CALCRL: variants seen among roughly 807,000 people sequenced by gnomAD.
CALCRL encodes calcitonin receptor like receptor.
A neutral mutation model predicts 60.4 loss-of-function variants in CALCRL; 27 were observed. The ratio of observed to expected loss-of-function variants is 0.45; its 90% CI spans 0.33 to 0.62. The LOEUF (loss-of-function observed/expected upper bound fraction) is 0.62, where lower values mean the gene tolerates loss of function less well. CALCRL is among the 20% of genes least tolerant of loss of function. The probability of loss-of-function intolerance (pLI) is 0.03; values close to 1 mark genes in which losing one functional copy is unlikely to be tolerated. For synonymous variants in CALCRL, 190 were observed against 182.6 expected (o/e 1.04, Z -0.33); for missense variants, 424 against 540.7 (o/e 0.78, Z 2.14).
chr2:187,413,447 A>G (rs1318592585), intron 1 of CALCRL, among the ~76,000 whole-genome samples: 4 of 152,150 alleles, frequency 2.6e-5, no homozygotes, highest in African/African-American at 9.6e-5. Flanking sequence ...TATATATTTT[A>G]CCAGTTAATG....
chr2:187,353,368 C>T lies in CALCRL; in HGVS notation c.910-1036G>A, dbSNP rs186050413. On this transcript the variant is annotated intron_variant, in intron 12 of 14. Coordinates refer to ENST00000392370, the MANE Select transcript of CALCRL (RefSeq NM_005795.6). ...TGTTTAATAATCTTAAATTTTCAAT[C>T]TATGCACCAAATATAATTTATATCC... Among the ~76,000 whole-genome samples the T allele has an allele frequency of 1.9e-3, 286 of 152,004 alleles. 1 individual carries two copies. The highest frequency in any genetic ancestry group is 6.7e-3 in the African/African-American group (279 of 41,498).
chr2:187,350,514 T>A (rs1686479669), intron 14 of CALCRL, among the ~76,000 whole-genome samples: 1 of 151,306 alleles, frequency 6.6e-6, no homozygotes, highest in South Asian at 2.1e-4. Context: ...CTTAAATGTA[T>A]GAAATATAGT....
intron 7 of CALCRL, 33 bp downstream of exon 7, chr2:187,380,434 T>G: frequency 8.0e-7 from 1 of 1,252,182 alleles, no homozygotes. Context: ...ACAGATACTG[T>G]AAGTTAAATT....
chr2:187,390,996 G>A (rs1404119352), intron 1 of CALCRL, among the ~76,000 whole-genome samples: 1 of 152,150 alleles, frequency 6.6e-6, no homozygotes, highest in Non-Finnish European at 1.5e-5. Context: ...GGTAGTTATG[G>A]AGGAATCATC....
intron 1 of CALCRL, among the ~76,000 whole-genome samples, chr2:187,414,456 T>C (rs1177406255): frequency 6.6e-6 from 1 of 152,178 alleles, no homozygotes; most frequent in African/African-American, 2.4e-5. Flanking sequence ...CAGCAGCATG[T>C]CATCCTGAAT....
intron 1 of CALCRL, among the ~76,000 whole-genome samples, chr2:187,402,351 CAATTA>C (rs959414060): frequency 1.3e-5 from 2 of 151,378 alleles, no homozygotes; most frequent in Admixed American, 6.6e-5. Context: ...TATAGGTACT[CAATTA>C]AATTTTATGT....
intron 1 of CALCRL, among the ~76,000 whole-genome samples, chr2:187,406,191 A>AC (rs1259391089): frequency 6.7e-6 from 1 of 150,320 alleles, no homozygotes; most frequent in Non-Finnish European, 1.5e-5. Context: ...CACAACCAAA[A>AC]AAAAAAACAC....
chr2:187,360,014 T>C (rs1686979954), intron 10 of CALCRL, among the ~76,000 whole-genome samples: 1 of 152,032 alleles, frequency 6.6e-6, no homozygotes, highest in Non-Finnish European at 1.5e-5. Context: ...CCTGTTAAAT[T>C]CATTTCTGCA....
At chr2:187,402,222 A>G (rs983540740) in intron 1 of CALCRL, among the ~76,000 whole-genome samples, 2 of 151,682 alleles carry the variant, frequency 1.3e-5, no homozygotes, top group East Asian at 3.9e-4. Context: ...AAAACCTCAT[A>G]TGTTCCAAAA....
intron 12 of CALCRL, 68 bp downstream of exon 12, chr2:187,358,995 A>G (rs1311522609): frequency 3.2e-6 from 4 of 1,251,248 alleles, no homozygotes; most frequent in African/African-American, 1.5e-5. Context: ...AGGATACCAT[A>G]GGCCAGATGA....
intron 1 of CALCRL, among the ~76,000 whole-genome samples, chr2:187,406,967 A>G (rs1689163131): frequency 6.6e-6 from 1 of 152,056 alleles, no homozygotes; most frequent in Non-Finnish European, 1.5e-5. Flanking sequence ...TATCATTCCC[A>G]AAAAACCTTA....
chr2:187,354,911 A>G (rs1257361644), intron 12 of CALCRL, among the ~76,000 whole-genome samples: 1 of 152,002 alleles, frequency 6.6e-6, no homozygotes. Context: ...GTGCAGCCAG[A>G]TCTTTTGTAA....
chr2:187,353,083 A>T (rs1471275272), intron 12 of CALCRL, among the ~76,000 whole-genome samples: 1 of 151,960 alleles, frequency 6.6e-6, no homozygotes, highest in Non-Finnish European at 1.5e-5. Flanking sequence ...GTGACTCAGC[A>T]AACAGGGTCC....
intron 1 of CALCRL, among the ~76,000 whole-genome samples, chr2:187,439,549 G>T (rs539286823): frequency 6.6e-6 from 1 of 152,028 alleles, no homozygotes; most frequent in South Asian, 2.1e-4. Context: ...TAGTAGATTG[G>T]TGCAAGATGA....
rs999822125 is a variant in CALCRL at position 187,342,873 on chromosome 2, G to T, written c.*3311C>A. Among the ~76,000 whole-genome samples, 1 of 151,262 alleles carries T rather than the reference G, an allele frequency of 6.6e-6. No homozygotes were observed. Among genetic ancestry groups the T allele is most frequent in the African/African-American group, 2.4e-5 (1 of 41,312 alleles). On this transcript the variant is annotated 3_prime_UTR_variant, in exon 15 of 15. Coordinates refer to ENST00000392370, the MANE Select transcript of CALCRL (RefSeq NM_005795.6). ...AATTAATGAGTTAAACGAAATCTTTGAAACATTTTCATTTTATATTTGTGT... is the reference window on the plus strand; with the variant it reads ...AATTAATGAGTTAAACGAAATCTTTTAAACATTTTCATTTTATATTTGTGT...
At chr2:187,439,160 T>C (rs1690778582) in intron 1 of CALCRL, among the ~76,000 whole-genome samples, 1 of 152,080 alleles carries the variant, frequency 6.6e-6, no homozygotes, top group South Asian at 2.1e-4. Context: ...CACTGGAGCT[T>C]ACGTGTTAGT....
At chr2:187,376,017 T>C (rs1687742719) in intron 8 of CALCRL, among the ~76,000 whole-genome samples, 1 of 152,184 alleles carries the variant, frequency 6.6e-6, no homozygotes, top group Non-Finnish European at 1.5e-5. Flanking sequence ...AGATACCAAC[T>C]TCCCTGATAT....
At chr2:187,434,452 C>G (rs79686003) in intron 1 of CALCRL, among the ~76,000 whole-genome samples, 2,526 of 152,232 alleles carry the variant, frequency 0.017, 77 homozygotes, top group African/African-American at 0.058. Context: ...ATGTTACACT[C>G]AGCAGACTAG....
At chr2:187,408,127 C>A (rs939294686) in intron 1 of CALCRL, among the ~76,000 whole-genome samples, 28 of 151,940 alleles carry the variant, frequency 1.8e-4, no homozygotes, top group African/African-American at 6.5e-4. Context: ...ATTACTATTA[C>A]ATCCAAGACA....
Sources: allele counts gnomAD v4.1 joint callset (sites outside exome capture counted in the v4.1 genomes callset), GRCh38; gene constraint gnomAD v4.1.1; transcripts MANE v1.5; gene names NCBI Gene and HGNC (gene_info 2026-07-23, HGNC 2026-07-21).